The following PRELID2 variants were observed in gnomAD, a reference collection of about 807,000 sequenced individuals.
PRELID2 encodes the protein PRELI domain containing 2.
A neutral mutation model predicts 28.4 loss-of-function variants in PRELID2; 25 were observed. The observed-to-expected ratio is 0.88, with a 90% CI of 0.64 to 1.23. The LOEUF is 1.23. Among genes scored for constraint, PRELID2 ranks in the 50% most tolerant of loss-of-function variants. The pLI, the probability that PRELID2 is intolerant of heterozygous loss-of-function variation, is 0.00. For synonymous variants in PRELID2, 76 were observed against 71.6 expected (o/e 1.06, Z -0.31); for missense variants, 201 against 214.4 (o/e 0.94, Z 0.39).
the PRELID2 span, among the ~76,000 whole-genome samples, chr5:145,405,699 G>GTTT: frequency 7.4e-4 from 34 of 45,996 alleles, 1 homozygote; most frequent in East Asian, 1.5e-3. Flanking sequence ...GTACCACATA[G>GTTT]TTGTTTTTTT....
chr5:145,272,163 A>AAC, the PRELID2 span, among the ~76,000 whole-genome samples: 1 of 152,116 alleles, frequency 6.6e-6, no homozygotes, highest in Non-Finnish European at 1.5e-5. Flanking sequence ...ACTTACTGAG[A>AAC]ACACACACTC....
At chr5:145,297,265 C>G in the PRELID2 span, among the ~76,000 whole-genome samples, 1 of 151,968 alleles carries the variant, frequency 6.6e-6, no homozygotes, top group Non-Finnish European at 1.5e-5. Context: ...GAAGTCCTTG[C>G]CCATGCCTAT....
intron 4 of PRELID2, among the ~76,000 whole-genome samples, chr5:145,799,984 T>TA (rs1286644697): frequency 6.6e-6 from 1 of 152,122 alleles, no homozygotes; most frequent in African/African-American, 2.4e-5. Context: ...TTCTTTGTAA[T>TA]AAAAAATATT....
chr5:145,424,572 G>A, the PRELID2 span, among the ~76,000 whole-genome samples: 1 of 152,164 alleles, frequency 6.6e-6, no homozygotes, highest in South Asian at 2.1e-4. Flanking sequence ...CCCAAGTGAG[G>A]CAATGCCTCA....
chr5:145,724,630 T>A (rs1433985509), intron 1 of PRELID2, among the ~76,000 whole-genome samples: 19 of 93,712 alleles, frequency 2.0e-4, no homozygotes, highest in African/African-American at 6.1e-4. Flanking sequence ...TATATATATA[T>A]ATATATATAT....
intron 1 of PRELID2, among the ~76,000 whole-genome samples, chr5:145,631,837 G>A (rs560362523): frequency 3.3e-5 from 5 of 152,222 alleles, no homozygotes; most frequent in South Asian, 2.1e-4. Context: ...ACTCTACAAT[G>A]TACATTACAT....
the PRELID2 span, among the ~76,000 whole-genome samples, chr5:145,432,430 T>TAAAA: frequency 2.2e-3 from 287 of 133,436 alleles, no homozygotes; most frequent in African/African-American, 4.9e-3. Flanking sequence ...CTCAAGTTGT[T>TAAAA]AAAAAAAAAA....
chr5:145,599,415 A>G (rs1753356571), intron 1 of PRELID2, among the ~76,000 whole-genome samples: 1 of 145,140 alleles, frequency 6.9e-6, no homozygotes. Context: ...AAAGCCTTAG[A>G]AGACTCTTTT....
the PRELID2 span, among the ~76,000 whole-genome samples, chr5:145,287,150 A>G: frequency 2.3e-4 from 35 of 152,310 alleles, no homozygotes; most frequent in Admixed American, 2.0e-3. Flanking sequence ...CCTTCAGTTC[A>G]TGCCTGAAAC....
chr5:145,659,089 G>A (rs191547854), intron 1 of PRELID2, among the ~76,000 whole-genome samples: 483 of 152,286 alleles, frequency 3.2e-3, no homozygotes, highest in African/African-American at 0.011. Context: ...GAGGAGGCTG[G>A]AGTTAGGGAA....
At chr5:145,231,431 T>TG in the PRELID2 span, among the ~76,000 whole-genome samples, 1 of 152,098 alleles carries the variant, frequency 6.6e-6, no homozygotes, top group Non-Finnish European at 1.5e-5. Flanking sequence ...CCAGTAACAG[T>TG]GGCCTACACT....
intron 1 of PRELID2, among the ~76,000 whole-genome samples, chr5:145,653,642 A>G (rs1754339459): frequency 6.6e-6 from 1 of 152,236 alleles, no homozygotes; most frequent in Non-Finnish European, 1.5e-5. Context: ...TCTGCTCCTG[A>G]ATGACCACTG....
chr5:145,439,710 C>T, the PRELID2 span, among the ~76,000 whole-genome samples: 1 of 152,020 alleles, frequency 6.6e-6, no homozygotes, highest in Non-Finnish European at 1.5e-5. Context: ...CACTCCAACA[C>T]ATTTTCAAAC....
At chr5:145,350,449 T>C in the PRELID2 span, among the ~76,000 whole-genome samples, 1 of 152,028 alleles carries the variant, frequency 6.6e-6, no homozygotes, top group South Asian at 2.1e-4. Flanking sequence ...GCAGGGGCAA[T>C]GTGATAGTGA....
At chr5:145,802,706 G>C (rs1163764199) in intron 4 of PRELID2, among the ~76,000 whole-genome samples, 1 of 152,128 alleles carries the variant, frequency 6.6e-6, no homozygotes, top group African/African-American at 2.4e-5. Context: ...CTCGTCTCTT[G>C]CTTTGTCCAC....
At chr5:145,496,784 T>TC (rs1353537139) in intron 1 of PRELID2, among the ~76,000 whole-genome samples, 1 of 152,110 alleles carries the variant, frequency 6.6e-6, no homozygotes, top group African/African-American at 2.4e-5. Flanking sequence ...TCCTGTTCAC[T>TC]CCCCCTTGGT....
At chr5:145,288,029 C>T in the PRELID2 span, among the ~76,000 whole-genome samples, 1 of 152,062 alleles carries the variant, frequency 6.6e-6, no homozygotes, top group South Asian at 2.1e-4. Context: ...GGTAAAGTGC[C>T]TTTTTCATCA....
chr5:145,562,600 G>A (rs948551328), intron 1 of PRELID2, among the ~76,000 whole-genome samples: 3 of 152,212 alleles, frequency 2.0e-5, no homozygotes, highest in Non-Finnish European at 4.4e-5. Context: ...TGTAGGCAAG[G>A]AAATAAAGAT....
At chr5:145,506,324 C>T (rs1238183994) in intron 1 of PRELID2, among the ~76,000 whole-genome samples, 8 of 152,124 alleles carry the variant, frequency 5.3e-5, no homozygotes, top group African/African-American at 1.9e-4. Context: ...GGATACATAA[C>T]AAACCACTCC....
Sources: gnomAD v4.1 joint callset for allele counts (sites outside exome capture counted in the v4.1 genomes callset) on GRCh38, gnomAD v4.1.1 for gene constraint, MANE v1.5 for transcripts, NCBI Gene and HGNC (gene_info 2026-07-23, HGNC 2026-07-21) for gene names.